NXPH2: variants seen among roughly 807,000 people sequenced by gnomAD.
NXPH2 encodes neurexophilin-2.
Under a neutral mutation model 19.8 loss-of-function variants are expected in NXPH2, and 5 were observed. The observed-to-expected ratio is 0.25, with a 90% CI of 0.13 to 0.53. NXPH2 has a LOEUF of 0.53. NXPH2 is among the 20% of genes least tolerant of loss of function. The pLI, the probability that NXPH2 is intolerant of heterozygous loss-of-function variation, is 0.96. For missense variants in NXPH2, 289 were observed against 322.8 expected (o/e 0.90, Z 0.80); for synonymous variants, 154 against 127.4 (o/e 1.21, Z -1.41).
At chr2:138,725,728 G>A (rs907393187) in intron 1 of NXPH2, among the ~76,000 whole-genome samples, 9 of 152,022 alleles carry the variant, frequency 5.9e-5, no homozygotes, top group African/African-American at 7.2e-5. Flanking sequence ...ATCTTCTGAC[G>A]GTGAATTATG....
intron 1 of NXPH2, among the ~76,000 whole-genome samples, chr2:138,690,583 G>GAA (rs57093369): frequency 0.013 from 1,802 of 135,894 alleles, 40 homozygotes; most frequent in African/African-American, 0.043. Flanking sequence ...CTCAGAAATT[G>GAA]AAAAAAAAAA....
chr2:138,698,413 A>G (rs1156764571), intron 1 of NXPH2, among the ~76,000 whole-genome samples: 2 of 152,240 alleles, frequency 1.3e-5, no homozygotes, highest in Non-Finnish European at 2.9e-5. Context: ...AAGGTTTCTC[A>G]TAATTTTCCC....
intron 1 of NXPH2, among the ~76,000 whole-genome samples, chr2:138,763,383 T>G (rs921154538): frequency 3.3e-5 from 5 of 152,202 alleles, no homozygotes; most frequent in Admixed American, 2.6e-4. Context: ...TATTAATTAA[T>G]TATTCCTCTA....
At chr2:138,741,974 T>G (rs759695810) in intron 1 of NXPH2, among the ~76,000 whole-genome samples, 7 of 152,322 alleles carry the variant, frequency 4.6e-5, no homozygotes, top group South Asian at 2.1e-4. Flanking sequence ...ATTGAGCATA[T>G]TGCTCTCTAT....
At chr2:138,774,071 G>A (rs1255275468) in intron 1 of NXPH2, among the ~76,000 whole-genome samples, 1 of 152,094 alleles carries the variant, frequency 6.6e-6, no homozygotes, top group Non-Finnish European at 1.5e-5. Flanking sequence ...ATTCTATTCA[G>A]GCACACAAAA....
intron 1 of NXPH2, among the ~76,000 whole-genome samples, chr2:138,729,389 C>T (rs1445844062): frequency 6.6e-6 from 1 of 152,134 alleles, no homozygotes; most frequent in Admixed American, 6.5e-5. Context: ...TGTTTGCTTC[C>T]CCTTTGGCCT....
chr2:138,734,440 C>A (rs1452751493), intron 1 of NXPH2, among the ~76,000 whole-genome samples: 1 of 151,986 alleles, frequency 6.6e-6, no homozygotes, highest in East Asian at 1.9e-4. Context: ...GAGAGAAAGG[C>A]AATGAGGTAA....
intron 1 of NXPH2, among the ~76,000 whole-genome samples, chr2:138,743,721 A>G (rs1216345588): frequency 6.6e-6 from 1 of 152,140 alleles, no homozygotes; most frequent in East Asian, 1.9e-4. Context: ...TGATGGAAGT[A>G]GCCAGGCGTG....
chr2:138,768,992 G>T (rs1312560883), intron 1 of NXPH2, among the ~76,000 whole-genome samples: 2 of 152,142 alleles, frequency 1.3e-5, no homozygotes, highest in Non-Finnish European at 1.5e-5. Flanking sequence ...TGAACATACA[G>T]GCCCCGTCGC....
intron 1 of NXPH2, among the ~76,000 whole-genome samples, chr2:138,676,961 T>G (rs1242491174): frequency 3.9e-5 from 6 of 152,246 alleles, no homozygotes; most frequent in African/African-American, 1.4e-4. Flanking sequence ...AAAATGTGTT[T>G]GTAGATCTTT....
At chr2:138,698,488 C>T (rs1030648604) in intron 1 of NXPH2, among the ~76,000 whole-genome samples, 1 of 152,106 alleles carries the variant, frequency 6.6e-6, no homozygotes, top group African/African-American at 2.4e-5. Flanking sequence ...AATTTAATAA[C>T]GTCTTCCAGT....
chr2:138,765,042 G>A (rs1226667302), intron 1 of NXPH2, among the ~76,000 whole-genome samples: 1 of 152,206 alleles, frequency 6.6e-6, no homozygotes, highest in African/African-American at 2.4e-5. Context: ...TTAGGGATGT[G>A]TACAGAGAAT....
chr2:138,780,170 G>C (rs1290081217), intron 1 of NXPH2, 21 bp downstream of exon 1: 3 of 1,483,334 alleles, frequency 2.0e-6, no homozygotes, highest in Non-Finnish European at 2.7e-6. Context: ...GTGTGGGACG[G>C]CGCGCGGGCC....
At chr2:138,700,715 G>A (rs1345229200) in intron 1 of NXPH2, among the ~76,000 whole-genome samples, 2 of 151,952 alleles carry the variant, frequency 1.3e-5, no homozygotes, top group African/African-American at 2.4e-5. Flanking sequence ...CTGACCATCC[G>A]TCTGTTGGAC....
At chr2:138,681,238 TA>T (rs1318599021) in intron 1 of NXPH2, among the ~76,000 whole-genome samples, 1 of 152,230 alleles carries the variant, frequency 6.6e-6, no homozygotes, top group East Asian at 1.9e-4. Flanking sequence ...TCTTTATGTT[TA>T]TAGGTGTGTT....
chr2:138,766,501 A>C (rs1464989573), intron 1 of NXPH2, among the ~76,000 whole-genome samples: 1 of 152,166 alleles, frequency 6.6e-6, no homozygotes, highest in Non-Finnish European at 1.5e-5. Context: ...ATGTGTTATT[A>C]AGCATCCTAC....
At chr2:138,712,407 T>C (rs1681118942) in intron 1 of NXPH2, among the ~76,000 whole-genome samples, 2 of 152,186 alleles carry the variant, frequency 1.3e-5, no homozygotes, top group South Asian at 4.1e-4. Context: ...CAAAGATCAT[T>C]TCCTGTTTCT....
chr2:138,730,251 G>A (rs987605043), intron 1 of NXPH2, among the ~76,000 whole-genome samples: 1 of 151,736 alleles, frequency 6.6e-6, no homozygotes, highest in African/African-American at 2.4e-5. Flanking sequence ...CTGGAATGCA[G>A]TGGTGCAATC....
intron 1 of NXPH2, among the ~76,000 whole-genome samples, chr2:138,733,923 T>C (rs576619335): frequency 5.5e-4 from 84 of 152,280 alleles, no homozygotes; most frequent in African/African-American, 1.9e-3. Context: ...TGAATGTTCA[T>C]TGTAAATACT....
Sources: allele counts gnomAD v4.1 joint callset (sites outside exome capture counted in the v4.1 genomes callset), GRCh38; gene constraint gnomAD v4.1.1; transcripts MANE v1.5; gene names NCBI Gene and HGNC (gene_info 2026-07-23, HGNC 2026-07-21).